PTK7: variants seen among roughly 807,000 people sequenced by gnomAD.
PTK7 encodes protein tyrosine kinase 7 (inactive).
Under a neutral mutation model 116.6 loss-of-function variants are expected in PTK7, and 39 were observed. The observed-to-expected ratio is 0.33, with a 90% CI of 0.26 to 0.44. The LOEUF (loss-of-function observed/expected upper bound fraction) is 0.44, where lower values mean the gene tolerates loss of function less well. Among genes scored for constraint, PTK7 ranks in the 20% least tolerant of loss-of-function variants. PTK7 has a pLI of 1.00. For missense variants in PTK7, 1,169 were observed against 1,425.6 expected (o/e 0.82, Z 2.90); for synonymous variants, 546 against 563.6 (o/e 0.97, Z 0.44).
chr6:43,145,522 C>T lies in PTK7; in HGVS notation c.2640+90C>T, dbSNP rs986933841. 26 of 1,130,570 alleles carry T rather than the reference C, an allele frequency of 2.3e-5. No individual in the cohort carries two copies. In the African/African-American group the frequency reaches 3.7e-4, roughly 16 times the overall value. The allele number at this position is 1,130,570 out of a possible 1,614,324, so 70.0% of individuals were successfully genotyped here. ...GTCAGTGGTTGGAGCACCGTGAAAA[C>T]CTTGTCTCGTGCAGTCTCAGCCGAG... On this transcript the variant is annotated intron_variant, in intron 16 of 19. Transcript: ENST00000230419. The surrounding 1 kb of genome is among the most constrained non-coding windows in gnomAD (Gnocchi z 4.8).
intron 7 of PTK7, among the ~76,000 whole-genome samples, chr6:43,137,998 G>A (rs1341883884): frequency 1.3e-5 from 2 of 151,898 alleles, no homozygotes; most frequent in African/African-American, 2.4e-5. Context: ...TAGTAGAGAC[G>A]GGGTTTCACT....
intron 1 of PTK7, among the ~76,000 whole-genome samples, chr6:43,114,692 G>T (rs150233263): frequency 3.3e-5 from 5 of 152,076 alleles, no homozygotes; most frequent in Non-Finnish European, 5.9e-5. Context: ...TCAGCCGTCC[G>T]CGTGTGCTTT....
chr6:43,097,068 G>A (rs934343326), intron 1 of PTK7, among the ~76,000 whole-genome samples: 2 of 139,900 alleles, frequency 1.4e-5, no homozygotes, highest in African/African-American at 5.5e-5. Context: ...AGCCCCCAGA[G>A]CTTGGCCAGA....
chr6:43,148,209 C>T (rs548625450), intron 17 of PTK7, among the ~76,000 whole-genome samples: 19 of 151,838 alleles, frequency 1.3e-4, no homozygotes, highest in African/African-American at 4.1e-4. Context: ...GCCATGATTA[C>T]ACCACTGCAC....
chr6:43,115,032 G>C (rs1170229602), intron 1 of PTK7, among the ~76,000 whole-genome samples: 1 of 140,470 alleles, frequency 7.1e-6, no homozygotes, highest in African/African-American at 2.7e-5. Flanking sequence ...ACAAGAGCTA[G>C]ACTTTGTCTC....
At chr6:43,148,229 G>C (rs1487692483) in intron 17 of PTK7, among the ~76,000 whole-genome samples, 1 of 150,870 alleles carries the variant, frequency 6.6e-6, no homozygotes, top group Non-Finnish European at 1.5e-5. Flanking sequence ...CTCCAGCCTG[G>C]GCAACAGAGC....
intron 1 of PTK7, among the ~76,000 whole-genome samples, chr6:43,093,560 G>T (rs2150380987): frequency 6.6e-6 from 1 of 152,224 alleles, no homozygotes; most frequent in South Asian, 2.1e-4. Flanking sequence ...AGACGGACAG[G>T]AGATGCTAGC....
Position 43,145,304 on chromosome 6 carries a change from C to T in PTK7, c.2512C>T (p.Gln838Ter). 6.2e-7 allele frequency: 1 copy of T among 1,613,894 alleles called. No homozygotes were observed. The highest frequency in any genetic ancestry group is 8.5e-7 in the Non-Finnish European group (1 of 1,179,896). Residue 838 changes from glutamine to a stop codon, truncating the protein, a stop_gained, in exon 16 of 20, where the codon CAG becomes TAG. Coordinates refer to ENST00000230419, the MANE Select transcript of PTK7 (RefSeq NM_002821.5). LOFTEE classifies it high-confidence loss of function. This position sits in a 1 kb window ranked among gnomAD's most constrained non-coding sequence, Gnocchi z 4.8. ...GAAGAGCCTGCAGAGCAAGGATGAG[C>T]AGCAGCAGCTGGACTTCCGGAGGGA... is the stretch of plus-strand genomic sequence containing the variant. ...LVKSLQSKDE[Q>*]QQLDFRRELE...
At chr6:43,099,046 A>G (rs1316968757) in intron 1 of PTK7, among the ~76,000 whole-genome samples, 1 of 151,930 alleles carries the variant, frequency 6.6e-6, no homozygotes, top group East Asian at 1.9e-4. Flanking sequence ...TTTGAATACA[A>G]CTTTGAAATT....
In PTK7 at chr6:43,139,974, C is replaced by T. The variant is rs774935682; in HGVS notation, c.1618+449C>T. 5.3e-5 allele frequency among the ~76,000 whole-genome samples: 8 copies of T among 152,200 alleles called. No individual in the cohort carries two copies. Among genetic ancestry groups the T allele is most frequent in the Non-Finnish European group, 1.2e-4 (8 of 68,020 alleles). ...ACTAAAAATGCAAAAGTTAGCCAGGCGTGGTGGCACATGCTTGCAATCCCA... is the reference window on the plus strand; with the variant it reads ...ACTAAAAATGCAAAAGTTAGCCAGGTGTGGTGGCACATGCTTGCAATCCCA... On this transcript the variant is annotated intron_variant, in intron 10 of 19. Coordinates refer to ENST00000230419, the MANE Select transcript of PTK7 (RefSeq NM_002821.5). This position sits in a 1 kb window ranked among gnomAD's most constrained non-coding sequence, Gnocchi z 4.6.
rs567120616 is a variant in PTK7 at position 43,145,390 on chromosome 6, G to C, written c.2598G>C (p.Arg866=). The C allele has an allele frequency of 6.2e-7, 1 of 1,610,416 alleles. No individual in the cohort carries two copies. The highest frequency in any genetic ancestry group is 1.1e-5 in the South Asian group (1 of 90,622). ...ANVVRLLGLC[R]EAEPHYMVLE... ...TGGTGCGGCTCCTGGGGCTGTGCCGGGAGGCTGAGCCCCACTACATGGTGC... is the reference window on the plus strand; with the variant it reads ...TGGTGCGGCTCCTGGGGCTGTGCCGCGAGGCTGAGCCCCACTACATGGTGC... Residue 866 remains arginine, a synonymous_variant, in exon 16 of 20, where the codon CGG becomes CGC. Transcript: ENST00000230419. This position sits in a 1 kb window ranked among gnomAD's most constrained non-coding sequence, Gnocchi z 4.8.
chr6:43,103,168 A>G (rs1300660286), intron 1 of PTK7, among the ~76,000 whole-genome samples: 1 of 152,260 alleles, frequency 6.6e-6, no homozygotes, highest in East Asian at 1.9e-4. Context: ...ATCAATAAAA[A>G]TAAAAACAAA....
At chr6:43,132,768 A>C in intron 7 of PTK7, 81 bp downstream of exon 7, 1 of 1,536,790 alleles carries the variant, frequency 6.5e-7, no homozygotes, top group African/African-American at 1.4e-5. Flanking sequence ...CTTCCCTGGT[A>C]CTCACCTGAG....
In PTK7 at chr6:43,132,540, G is replaced by A; in HGVS notation, c.1081G>A (p.Val361Ile). Residue 361 changes from valine (V) to isoleucine (I), a missense_variant, in exon 7 of 20, where the codon GTC (valine) becomes ATC (isoleucine). Physicochemically the swap from Val to Ile is conservative, Grantham distance 29 (BLOSUM62 3). Around this residue, in one of 3 missense-constraint regions of PTK7, gnomAD observed 487 missense variants for 549.8 expected, o/e 0.89. Coordinates refer to ENST00000230419, the MANE Select transcript of PTK7 (RefSeq NM_002821.5). ...CAGCGTGTGGTGGGAGCACGCGGGA[G>A]TCCGGCTGCCCACCCATGGCAGGGT... ...EPSVWWEHAG[V>I]RLPTHGRVYQ... 5 of 1,613,512 alleles carry A rather than the reference G, an allele frequency of 3.1e-6. No individual in the cohort carries two copies. Among genetic ancestry groups the A allele is most frequent in the Non-Finnish European group, 4.2e-6 (5 of 1,179,842 alleles).
At chr6:43,089,786 C>T (rs901405520) in intron 1 of PTK7, among the ~76,000 whole-genome samples, 1 of 152,202 alleles carries the variant, frequency 6.6e-6, no homozygotes, top group African/African-American at 2.4e-5. Flanking sequence ...AGGTCTCTCT[C>T]TCTCCTATCC....
intron 1 of PTK7, among the ~76,000 whole-genome samples, chr6:43,116,604 TTG>T (rs751605217): frequency 0.026 from 3,126 of 119,078 alleles, 56 homozygotes; most frequent in East Asian, 0.057. Flanking sequence ...AAAAGCTGGT[TTG>T]TGTGTGTGTG....
At chr6:43,116,664 A>G (rs1268868477) in intron 1 of PTK7, among the ~76,000 whole-genome samples, 27 of 142,796 alleles carry the variant, frequency 1.9e-4, no homozygotes, top group African/African-American at 5.5e-4. Context: ...GCGCGCACGC[A>G]CGCACGCATA....
In PTK7 at chr6:43,077,764, A is replaced by G. The variant is rs999563683; in HGVS notation, c.79+1197A>G. On this transcript the variant is annotated intron_variant, in intron 1 of 19. Coordinates refer to ENST00000230419, the MANE Select transcript of PTK7 (RefSeq NM_002821.5). ...GGCATGGGTAAGGAATTGCCTTTCT[A>G]ATATCTTTCTGGCCTGCCAGCTGTG... 2.0e-5 allele frequency among the ~76,000 whole-genome samples: 3 copies of G among 152,192 alleles called. No homozygotes were observed. The East Asian group carries it at 5.8e-4, about 29-fold the overall frequency.
intron 17 of PTK7, among the ~76,000 whole-genome samples, chr6:43,158,597 GTCAGGCA>G (rs1467905111): frequency 2.0e-5 from 3 of 152,326 alleles, no homozygotes; most frequent in African/African-American, 7.2e-5. Context: ...TCAGCATGGT[GTCAGGCA>G]CTTTAGTTTG....
Sources: gnomAD v4.1 joint callset for allele counts (sites outside exome capture counted in the v4.1 genomes callset) on GRCh38, gnomAD v4.1.1 for gene constraint, gnomAD v4.1.1 regional missense constraint, Gnocchi (gnomAD v3.1) non-coding constraint, MANE v1.5 for transcripts, NCBI Gene and HGNC (gene_info 2026-07-23, HGNC 2026-07-21) for gene names.